LDB2: variants seen among roughly 807,000 people sequenced by gnomAD.
LDB2 encodes LIM domain-binding protein 2.
A neutral mutation model predicts 44.3 loss-of-function variants in LDB2; 12 were observed. That is an observed-to-expected ratio of 0.27 (90% CI 0.17 to 0.44). The LOEUF is 0.44. Among genes scored for constraint, LDB2 ranks in the 20% least tolerant of loss-of-function variants. LDB2 has a pLI of 1.00. For synonymous variants in LDB2, 164 were observed against 174.8 expected (o/e 0.94, Z 0.49); for missense variants, 344 against 473.5 (o/e 0.73, Z 2.54).
At chr4:16,564,296 G>T (rs906949356) in intron 5 of LDB2, among the ~76,000 whole-genome samples, 2 of 152,128 alleles carry the variant, frequency 1.3e-5, no homozygotes, top group African/African-American at 4.8e-5. Flanking sequence ...GGGAGGTGGA[G>T]GTTGCAGTGA....
chr4:16,872,877 GA>G (rs1245718523), intron 1 of LDB2, among the ~76,000 whole-genome samples: 1 of 152,174 alleles, frequency 6.6e-6, no homozygotes, highest in Non-Finnish European at 1.5e-5. Context: ...AGCAAAGCAA[GA>G]AAAGCAAAAG....
intron 2 of LDB2, among the ~76,000 whole-genome samples, chr4:16,670,490 A>G (rs1048713838): frequency 2.0e-5 from 3 of 152,224 alleles, no homozygotes; most frequent in African/African-American, 4.8e-5. Flanking sequence ...TTTGGCCACA[A>G]AGTGATCTGT....
At chr4:16,718,938 A>T (rs149929133) in intron 2 of LDB2, among the ~76,000 whole-genome samples, 177 of 152,254 alleles carry the variant, frequency 1.2e-3, no homozygotes, top group African/African-American at 4.1e-3. Context: ...TTTTACAGAG[A>T]TTAAACTTTG....
At chr4:16,752,758 G>A (rs1194086919) in intron 2 of LDB2, among the ~76,000 whole-genome samples, 2 of 152,152 alleles carry the variant, frequency 1.3e-5, no homozygotes, top group Non-Finnish European at 2.9e-5. Flanking sequence ...GGTTAAGGTA[G>A]TTTAAGCAAC....
At chr4:16,725,735 A>C (rs1258152704) in intron 2 of LDB2, among the ~76,000 whole-genome samples, 4 of 151,954 alleles carry the variant, frequency 2.6e-5, no homozygotes, top group Admixed American at 6.6e-5. Context: ...CCCACTATGA[A>C]GTTTTCCCAC....
intron 2 of LDB2, chr4:16,741,341 G>A (rs773650778): frequency 6.6e-6 from 1 of 152,210 alleles, no homozygotes; most frequent in Non-Finnish European, 1.5e-5. Context: ...GGAGATTAAG[G>A]GGTGAAAAGG....
At chr4:16,851,764 G>A (rs1215084915) in intron 1 of LDB2, among the ~76,000 whole-genome samples, 1 of 152,068 alleles carries the variant, frequency 6.6e-6, no homozygotes, top group Non-Finnish European at 1.5e-5. Flanking sequence ...AAATGAGAAG[G>A]AAGCGAAGAC....
chr4:16,749,155 T>C (rs545530577), intron 2 of LDB2, among the ~76,000 whole-genome samples: 8 of 152,300 alleles, frequency 5.3e-5, no homozygotes, highest in Admixed American at 2.6e-4. Flanking sequence ...TATAATTGGA[T>C]TTCCTAGGAA....
chr4:16,581,414 C>A, intron 5 of LDB2: 1 of 985,214 alleles, frequency 1.0e-6, no homozygotes, highest in Non-Finnish European at 1.2e-6. Context: ...TTGTCTTGAC[C>A]ATGCTGTTAC....
At chr4:16,788,286 C>T (rs903303918) in intron 1 of LDB2, among the ~76,000 whole-genome samples, 1 of 152,190 alleles carries the variant, frequency 6.6e-6, no homozygotes, top group Non-Finnish European at 1.5e-5. Flanking sequence ...CTGCCAGTGC[C>T]GGATGCCAAG....
At chr4:16,717,157 G>T (rs1455628748) in intron 2 of LDB2, among the ~76,000 whole-genome samples, 1 of 136,982 alleles carries the variant, frequency 7.3e-6, no homozygotes, top group Admixed American at 7.7e-5. Context: ...AAAGCTAATA[G>T]CAAATAATAA....
At position 16,545,521 on chromosome 4, in the gene LDB2, A is replaced by G. The variant is rs16893618; in HGVS notation, c.616-33417T>C. On this transcript the variant is annotated intron_variant, in intron 5 of 7. Coordinates refer to ENST00000304523, the MANE Select transcript of LDB2 (RefSeq NM_001290.5). ...TCAAAACGTGTACACCATCAGCATAAATGTCTCATTCTGGATAAATCCGCT... is the reference window on the plus strand; with the variant it reads ...TCAAAACGTGTACACCATCAGCATAGATGTCTCATTCTGGATAAATCCGCT... Among the ~76,000 whole-genome samples, 1,178 of 152,274 alleles carry G rather than the reference A, an allele frequency of 7.7e-3. 19 individuals carry two copies. Among genetic ancestry groups the G allele is most frequent in the South Asian group, 0.063 (302 of 4,826 alleles).
intron 5 of LDB2, among the ~76,000 whole-genome samples, chr4:16,518,529 C>A (rs1195112032): frequency 3.3e-5 from 5 of 151,312 alleles, no homozygotes; most frequent in Admixed American, 1.3e-4. Context: ...CTTTCTCAGT[C>A]ATCTTAACTA....
chr4:16,866,738 G>A (rs1048973841), intron 1 of LDB2, among the ~76,000 whole-genome samples: 8 of 152,088 alleles, frequency 5.3e-5, no homozygotes, highest in Non-Finnish European at 8.8e-5. Flanking sequence ...ATACAAAAAC[G>A]TCCTGTCTTG....
intron 2 of LDB2, among the ~76,000 whole-genome samples, chr4:16,684,045 G>A (rs909652141): frequency 6.6e-5 from 10 of 152,186 alleles, no homozygotes; most frequent in African/African-American, 2.4e-4. Context: ...TGGCATTATA[G>A]TTCCTGAATG....
chr4:16,746,659 C>T (rs968545609), intron 2 of LDB2, among the ~76,000 whole-genome samples: 1 of 152,056 alleles, frequency 6.6e-6, no homozygotes. Flanking sequence ...TGGTGGCACG[C>T]GCCTGTAGTC....
rs1473674131 is a variant in LDB2 at position 16,732,919 on chromosome 4, A to ATTTCTCTTCCTACCTAGCTACTGTTTC, written c.235+26238_235+26239insGAAACAGTAGCTAGGTAGGAAGAGAAA. ...TCCTACCTAGCTACTGTTTCTCTGC[A>ATTTCTCTTCCTACCTAGCTACTGTTTC]TCGGCTGACTCTTTAAGGTCGGGGG... On this transcript the variant is annotated intron_variant, in intron 2 of 7. Transcript: ENST00000304523. Among the ~76,000 whole-genome samples, 3 of 152,328 alleles carry ATTTCTCTTCCTACCTAGCTACTGTTTC rather than the reference A, an allele frequency of 2.0e-5. No homozygotes were observed. In the East Asian group the frequency reaches 5.8e-4, roughly 29 times the overall value.
rs1342027468 is a variant in LDB2 at position 16,582,000 on chromosome 4, G to GGAAGGAAGGAA, written c.615+3921_615+3922insTTCCTTCCTTC. Among the ~76,000 whole-genome samples the GGAAGGAAGGAA allele has an allele frequency of 3.6e-4, 37 of 103,894 alleles. No homozygotes were observed. The South Asian group carries it at 3.7e-3, about 11-fold the overall frequency. 68.2% of individuals were successfully genotyped at this position (103,894 alleles called of 152,430 possible). On this transcript the variant is annotated intron_variant, in intron 5 of 7. Transcript: ENST00000304523. ...GAAGGAAGGGAAGGAAGGGAAGGAA[G>GGAAGGAAGGAA]GGAAGGAAGGAAGGAAGGAAGGAAG...
chr4:16,732,387 G>T (rs1007118164), intron 2 of LDB2, among the ~76,000 whole-genome samples: 8 of 152,154 alleles, frequency 5.3e-5, no homozygotes, highest in African/African-American at 1.9e-4. Flanking sequence ...GTGTGGATTT[G>T]ATCACAATGC....
Sources: allele counts gnomAD v4.1 joint callset (sites outside exome capture counted in the v4.1 genomes callset), GRCh38; gene constraint gnomAD v4.1.1; transcripts MANE v1.5; gene names NCBI Gene and HGNC (gene_info 2026-07-23, HGNC 2026-07-21).